The following RSRC1 variants were observed in gnomAD, a reference collection of about 807,000 sequenced individuals.
RSRC1 encodes the protein arginine and serine rich coiled-coil 1, also known as serine/Arginine-related protein 53.
In RSRC1, 39 loss-of-function variants were observed where a neutral mutation model predicts 49.1. That is an observed-to-expected ratio of 0.79 (90% CI 0.61 to 1.04). RSRC1 has a LOEUF of 1.04. Among genes scored for constraint, RSRC1 ranks in the 50% least tolerant of loss-of-function variants. The pLI is 0.00. For synonymous variants in RSRC1, 143 were observed against 130.8 expected (o/e 1.09, Z -0.63); for missense variants, 388 against 402.4 (o/e 0.96, Z 0.31).
At chr3:158,255,570 A>C (rs923339344) in intron 4 of RSRC1, among the ~76,000 whole-genome samples, 5 of 152,186 alleles carry the variant, frequency 3.3e-5, no homozygotes, top group African/African-American at 1.2e-4. Context: ...TTCCATATGG[A>C]CTTAAAGGTA....
At chr3:158,118,843 G>T (rs6790608) in intron 1 of RSRC1, among the ~76,000 whole-genome samples, 1 of 152,012 alleles carries the variant, frequency 6.6e-6, no homozygotes, top group Non-Finnish European at 1.5e-5. Flanking sequence ...GTGGGGGCCT[G>T]CCCTTTTTGG....
chr3:158,482,642 G>T (rs1738657385), intron 7 of RSRC1, among the ~76,000 whole-genome samples: 1 of 151,902 alleles, frequency 6.6e-6, no homozygotes, highest in African/African-American at 2.4e-5. Context: ...AACCTCCAGT[G>T]CCATAAAAGA....
At chr3:158,276,268 C>T in intron 4 of RSRC1, 1 of 766,542 alleles carries the variant, frequency 1.3e-6, no homozygotes, top group Non-Finnish European at 2.4e-6. Context: ...GCCTTGCAGC[C>T]CAGTCTGCAC....
chr3:158,437,800 G>A (rs1736132749), intron 6 of RSRC1, among the ~76,000 whole-genome samples: 1 of 152,086 alleles, frequency 6.6e-6, no homozygotes, highest in Admixed American at 6.6e-5. Flanking sequence ...TCAACATAGT[G>A]TTGGAAGTGC....
At chr3:158,481,719 T>C (rs138979893) in intron 7 of RSRC1, among the ~76,000 whole-genome samples, 40 of 152,188 alleles carry the variant, frequency 2.6e-4, no homozygotes, top group African/African-American at 9.4e-4. Flanking sequence ...TTATTTTAAA[T>C]GTGAATTTGT....
At chr3:158,404,765 G>A (rs1734069390) in intron 6 of RSRC1, among the ~76,000 whole-genome samples, 1 of 151,872 alleles carries the variant, frequency 6.6e-6, no homozygotes, top group Non-Finnish European at 1.5e-5. Flanking sequence ...ATATACACTT[G>A]CATTTTAGTT....
intron 4 of RSRC1, among the ~76,000 whole-genome samples, chr3:158,279,570 A>G (rs1259187550): frequency 1.3e-5 from 2 of 152,226 alleles, no homozygotes; most frequent in African/African-American, 4.8e-5. Context: ...TGGCCTTTAA[A>G]TATTACTAAT....
At chr3:158,400,508 C>G (rs972534234) in intron 6 of RSRC1, among the ~76,000 whole-genome samples, 1 of 151,918 alleles carries the variant, frequency 6.6e-6, no homozygotes, top group Non-Finnish European at 1.5e-5. Context: ...GATGACAGCT[C>G]CATGCATGTT....
intron 6 of RSRC1, among the ~76,000 whole-genome samples, chr3:158,423,884 G>A (rs1405509671): frequency 6.6e-6 from 1 of 150,768 alleles, no homozygotes; most frequent in African/African-American, 2.4e-5. Flanking sequence ...GTCTGTTATT[G>A]GTGTATAAGA....
At chr3:158,275,586 T>A (rs1361202438) in intron 4 of RSRC1, among the ~76,000 whole-genome samples, 1 of 152,236 alleles carries the variant, frequency 6.6e-6, no homozygotes, top group Non-Finnish European at 1.5e-5. Flanking sequence ...TATACTGACA[T>A]ATAATTCCCT....
intron 6 of RSRC1, among the ~76,000 whole-genome samples, chr3:158,419,966 A>G (rs1734951453): frequency 6.6e-6 from 1 of 151,744 alleles, no homozygotes; most frequent in Non-Finnish European, 1.5e-5. Context: ...ACATTTGTTC[A>G]TTCTCTTCCT....
intron 4 of RSRC1, among the ~76,000 whole-genome samples, chr3:158,257,094 T>C (rs1485037056): frequency 1.3e-5 from 2 of 152,180 alleles, no homozygotes. Flanking sequence ...CTGATCTTAG[T>C]TATTTCTTGC....
intron 4 of RSRC1, among the ~76,000 whole-genome samples, chr3:158,242,513 A>G (rs1212482348): frequency 1.3e-5 from 2 of 152,204 alleles, no homozygotes; most frequent in Non-Finnish European, 2.9e-5. Context: ...TAATGAACAC[A>G]CGTGTGCATG....
intron 6 of RSRC1, among the ~76,000 whole-genome samples, chr3:158,356,075 C>A (rs1309155777): frequency 1.3e-5 from 2 of 151,826 alleles, no homozygotes; most frequent in Non-Finnish European, 2.9e-5. Flanking sequence ...CTCAAAATAT[C>A]TTGTACTGTA....
At chr3:158,245,183 AT>A (rs1559959753) in intron 4 of RSRC1, among the ~76,000 whole-genome samples, 1 of 148,520 alleles carries the variant, frequency 6.7e-6, no homozygotes, top group Non-Finnish European at 1.5e-5. Flanking sequence ...CCCTCTTAAC[AT>A]TGCTTTAGTT....
chr3:158,232,441 A>T (rs930413599), intron 4 of RSRC1, among the ~76,000 whole-genome samples: 2 of 152,136 alleles, frequency 1.3e-5, no homozygotes, highest in African/African-American at 4.8e-5. Context: ...GTTACTTGAC[A>T]GGTGGGGATA....
At chr3:158,192,408 C>T (rs542543823) in intron 3 of RSRC1, among the ~76,000 whole-genome samples, 2 of 151,994 alleles carry the variant, frequency 1.3e-5, no homozygotes, top group Non-Finnish European at 2.9e-5. Flanking sequence ...TGGAAAATGG[C>T]AGGCATATGT....
chr3:158,215,343 T>C (rs1721894660), intron 4 of RSRC1, among the ~76,000 whole-genome samples: 1 of 150,796 alleles, frequency 6.6e-6, no homozygotes, highest in South Asian at 2.1e-4. Flanking sequence ...GGTTTTGCTG[T>C]GTTGCCCAGG....
At chr3:158,238,776 A>G (rs1723390208) in intron 4 of RSRC1, among the ~76,000 whole-genome samples, 1 of 152,116 alleles carries the variant, frequency 6.6e-6, no homozygotes, top group Non-Finnish European at 1.5e-5. Context: ...AGAAAAAAAC[A>G]GAGGGAATAC....
Sources: gnomAD v4.1 joint callset for allele counts (sites outside exome capture counted in the v4.1 genomes callset) on GRCh38, gnomAD v4.1.1 for gene constraint, MANE v1.5 for transcripts, NCBI Gene and HGNC (gene_info 2026-07-23, HGNC 2026-07-21) for gene names.